The following ANO4 variants were observed in gnomAD, a reference collection of about 807,000 sequenced individuals.
ANO4 encodes anoctamin 4.
A neutral mutation model predicts 141.9 loss-of-function variants in ANO4; 69 were observed. The observed-to-expected ratio is 0.49, with a 90% CI of 0.40 to 0.59. ANO4 has a LOEUF of 0.59. ANO4 is among the 20% of genes least tolerant of loss of function. ANO4 has a pLI of 0.00. For missense variants in ANO4, 894 were observed against 1,162.2 expected (o/e 0.77, Z 3.36); for synonymous variants, 350 against 394.3 (o/e 0.89, Z 1.33).
In ANO4 at chr12:101,098,365, A is replaced by G. The variant is rs534027329; in HGVS notation, c.2006+420A>G. On this transcript the variant is annotated intron_variant, in intron 21 of 27. Coordinates refer to ENST00000392977, the MANE Select transcript of ANO4 (RefSeq NM_001286615.2). The stretch of plus-strand genomic sequence containing the variant: ...GAGCAAAACCTTGCATCAACTTGGT[A>G]AGGATGACCTTGAATTCTGCTGTGT... Among the ~76,000 whole-genome samples, 10 of 152,350 alleles carry G rather than the reference A, an allele frequency of 6.6e-5. 1 individual carries two copies. Among genetic ancestry groups the G allele is most frequent in the African/African-American group, 2.4e-4 (10 of 41,594 alleles).
intron 17 of ANO4, 79 bp from the exon 18 acceptor site, chr12:101,094,177 G>A: frequency 5.4e-6 from 6 of 1,114,204 alleles, no homozygotes; most frequent in Non-Finnish European, 6.8e-6. Context: ...CTCGTGATTT[G>A]ACTCCCTATT....
chr12:100,747,631 T>C (rs1383195671), intron 3 of ANO4, among the ~76,000 whole-genome samples: 3 of 152,020 alleles, frequency 2.0e-5, no homozygotes, highest in Non-Finnish European at 4.4e-5. Flanking sequence ...TCCCAGTACT[T>C]TGGGAGGCCA....
intron 1 of ANO4, among the ~76,000 whole-genome samples, chr12:100,718,403 C>G (rs1560020): frequency 0.38 from 58,307 of 151,992 alleles, 12,063 homozygotes; most frequent in East Asian, 0.59. Flanking sequence ...TCAGTTGTTG[C>G]GATAAGATCT....
chr12:101,087,756 C>G (rs2049566192), intron 17 of ANO4, among the ~76,000 whole-genome samples: 1 of 152,128 alleles, frequency 6.6e-6, no homozygotes, highest in Non-Finnish European at 1.5e-5. Context: ...CAGCTCCTCC[C>G]ACAGCCTTCC....
At chr12:101,104,627 G>GTGTATATATATATA (rs1297866922) in intron 22 of ANO4, among the ~76,000 whole-genome samples, 11 of 62,040 alleles carry the variant, frequency 1.8e-4, no homozygotes, top group Admixed American at 5.1e-4. Context: ...ATGTATGTGT[G>GTGTATATATATATA]TATATATATA....
chr12:101,067,768 T>A (rs1329785963), intron 14 of ANO4, among the ~76,000 whole-genome samples: 1 of 152,226 alleles, frequency 6.6e-6, no homozygotes, highest in Non-Finnish European at 1.5e-5. Context: ...TAGCTGATTT[T>A]AAAGGAGATT....
intron 5 of ANO4, among the ~76,000 whole-genome samples, chr12:100,957,213 G>A (rs574512877): frequency 1.3e-5 from 2 of 152,174 alleles, no homozygotes; most frequent in African/African-American, 2.4e-5. Context: ...TTTGTGCTTC[G>A]TCACATCATG....
intron 1 of ANO4, among the ~76,000 whole-genome samples, chr12:100,717,942 T>A (rs1565836358): frequency 6.6e-6 from 1 of 152,206 alleles, no homozygotes; most frequent in Admixed American, 6.5e-5. Context: ...GGCAAGTTAT[T>A]TAAACTTTTC....
chr12:101,016,161 C>G (rs2046308302), intron 8 of ANO4, among the ~76,000 whole-genome samples: 1 of 152,094 alleles, frequency 6.6e-6, no homozygotes, highest in East Asian at 1.9e-4. Context: ...AAAGGAATAC[C>G]TGAGACTGGG....
chr12:101,051,623 A>G (rs1451927633), intron 14 of ANO4, among the ~76,000 whole-genome samples: 2 of 152,230 alleles, frequency 1.3e-5, no homozygotes, highest in African/African-American at 4.8e-5. Flanking sequence ...TACTAAATGC[A>G]GTCCTAAGCA....
chr12:100,777,413 C>G (rs1467224202), intron 3 of ANO4, among the ~76,000 whole-genome samples: 1 of 151,494 alleles, frequency 6.6e-6, no homozygotes, highest in African/African-American at 2.4e-5. Context: ...GCCACCATGC[C>G]CAGCCCACGT....
intron 1 of ANO4, among the ~76,000 whole-genome samples, chr12:100,870,915 A>C (rs1565954587): frequency 6.6e-6 from 1 of 152,146 alleles, no homozygotes; most frequent in Non-Finnish European, 1.5e-5. Flanking sequence ...TATTATTGAG[A>C]TGTGTCCTTA....
intron 2 of ANO4, among the ~76,000 whole-genome samples, chr12:100,917,667 C>T (rs1210686154): frequency 2.0e-5 from 3 of 152,128 alleles, no homozygotes; most frequent in Admixed American, 6.6e-5. Context: ...GCTCCCTCTC[C>T]TTTGTAGTGT....
chr12:100,799,670 G>A (rs1054807445), intron 1 of ANO4, among the ~76,000 whole-genome samples: 13 of 152,180 alleles, frequency 8.5e-5, no homozygotes, highest in African/African-American at 3.1e-4. Flanking sequence ...GAACCCAGGA[G>A]GCGGAGGTTG....
At chr12:100,902,298 T>C (rs1210174230) in intron 2 of ANO4, among the ~76,000 whole-genome samples, 1 of 152,218 alleles carries the variant, frequency 6.6e-6, no homozygotes, top group African/African-American at 2.4e-5. Flanking sequence ...CATTATATTA[T>C]ATTGTTTTAA....
At chr12:100,883,642 T>G (rs1439174169) in intron 1 of ANO4, among the ~76,000 whole-genome samples, 1 of 152,240 alleles carries the variant, frequency 6.6e-6, no homozygotes, top group Non-Finnish European at 1.5e-5. Flanking sequence ...GTTCCACATT[T>G]ACTAAATTAG....
intron 1 of ANO4, among the ~76,000 whole-genome samples, chr12:100,722,289 G>A (rs979030464): frequency 2.0e-5 from 3 of 152,108 alleles, no homozygotes; most frequent in Non-Finnish European, 4.4e-5. Context: ...CCTCCCAACT[G>A]GTTCCTCTGC....
At chr12:100,896,487 G>A (rs914348002) in intron 1 of ANO4, among the ~76,000 whole-genome samples, 2 of 152,186 alleles carry the variant, frequency 1.3e-5, no homozygotes, top group Non-Finnish European at 2.9e-5. Flanking sequence ...GCCTACAGGT[G>A]TTCAGTTTGC....
intron 1 of ANO4, among the ~76,000 whole-genome samples, chr12:100,824,973 G>T (rs551417156): frequency 6.6e-6 from 1 of 152,098 alleles, no homozygotes; most frequent in African/African-American, 2.4e-5. Flanking sequence ...CATGCAAATT[G>T]TGCATAGATT....
Sources: gnomAD v4.1 joint callset for allele counts (sites outside exome capture counted in the v4.1 genomes callset) on GRCh38, gnomAD v4.1.1 for gene constraint, MANE v1.5 for transcripts, NCBI Gene and HGNC (gene_info 2026-07-23, HGNC 2026-07-21) for gene names.